The following AGBL4 variants were observed in gnomAD, a reference collection of about 807,000 sequenced individuals.
AGBL4 encodes the protein cytosolic carboxypeptidase 6.
A neutral mutation model predicts 66.4 loss-of-function variants in AGBL4; 58 were observed. The ratio of observed to expected loss-of-function variants is 0.87; its 90% CI spans 0.71 to 1.09. The LOEUF (loss-of-function observed/expected upper bound fraction) is 1.09. Among genes scored for constraint, AGBL4 ranks in the 50% least tolerant of loss-of-function variants. The probability of loss-of-function intolerance (pLI) is 0.00; values close to 1 mark genes in which losing one functional copy is unlikely to be tolerated. For missense variants in AGBL4, 579 were observed against 631.0 expected (o/e 0.92, Z 0.88); for synonymous variants, 234 against 222.9 (o/e 1.05, Z -0.44).
intron 3 of AGBL4, among the ~76,000 whole-genome samples, chr1:49,350,003 T>C (rs1397918943): frequency 6.6e-6 from 1 of 152,130 alleles, no homozygotes; most frequent in Non-Finnish European, 1.5e-5. Context: ...TCCAGAATGG[T>C]GAGAAAATAA....
At chr1:48,657,418 G>C (rs1361009180) in intron 7 of AGBL4, among the ~76,000 whole-genome samples, 3 of 152,236 alleles carry the variant, frequency 2.0e-5, no homozygotes, top group African/African-American at 7.2e-5. Context: ...GCCTGGGTCA[G>C]ATATGGGCTT....
At chr1:49,195,120 G>C (rs1647203202) in intron 4 of AGBL4, among the ~76,000 whole-genome samples, 1 of 152,086 alleles carries the variant, frequency 6.6e-6, no homozygotes, top group Admixed American at 6.6e-5. Context: ...GAGATTGAAG[G>C]TGTGAACCAC....
chr1:48,903,115 T>C (rs1652246426), intron 5 of AGBL4, among the ~76,000 whole-genome samples: 1 of 152,220 alleles, frequency 6.6e-6, no homozygotes, highest in South Asian at 2.1e-4. Context: ...CTTTCAGCAT[T>C]TTGTGGATCC....
At chr1:48,745,245 G>C (rs1354310706) in intron 6 of AGBL4, among the ~76,000 whole-genome samples, 2 of 152,162 alleles carry the variant, frequency 1.3e-5, no homozygotes, top group African/African-American at 4.8e-5. Flanking sequence ...CTGCTGAGTA[G>C]AGGTGCTTGA....
Position 49,045,770 on chromosome 1 carries a change from G to A in AGBL4, c.408C>T (p.Tyr136=). ...TCTTCCTATGGTCCGGGCAGCGGTA[G>A]TAGTAAACATTTTTGGGTGGCAGCC... The part of the protein sequence containing the change: ...WQRLPPKNVY[Y]YRCPDHRKNY... The change falls in exon 5 of 14, where the codon TAC becomes TAT. Residue 136 remains tyrosine (Y), a synonymous_variant. Transcript: ENST00000371839. 1 of 1,551,504 alleles carries A rather than the reference G, an allele frequency of 6.4e-7. No individual in the cohort carries two copies.
At chr1:49,013,380 G>A (rs922182517) in intron 5 of AGBL4, among the ~76,000 whole-genome samples, 4 of 152,122 alleles carry the variant, frequency 2.6e-5, no homozygotes, top group Admixed American at 6.5e-5. Context: ...ATTCTAATGG[G>A]AAGCTGGTTG....
intron 6 of AGBL4, chr1:48,727,806 G>C: frequency 7.3e-7 from 1 of 1,377,106 alleles, no homozygotes; most frequent in Non-Finnish European, 1.0e-6. Flanking sequence ...GCACGGTGGG[G>C]TCTGATTTGG....
chr1:49,388,606 T>G (rs1420649555), intron 3 of AGBL4, among the ~76,000 whole-genome samples: 1 of 152,158 alleles, frequency 6.6e-6, no homozygotes, highest in Non-Finnish European at 1.5e-5. Flanking sequence ...GATTCTTGAT[T>G]AAATATGCTA....
chr1:49,322,307 T>C (rs1055495221), intron 3 of AGBL4, among the ~76,000 whole-genome samples: 1 of 152,176 alleles, frequency 6.6e-6, no homozygotes, highest in Admixed American at 6.5e-5. Flanking sequence ...GGTGATTGTA[T>C]GTGGATGAAA....
chr1:49,129,376 A>G (rs1272769667), intron 4 of AGBL4, among the ~76,000 whole-genome samples: 1 of 151,776 alleles, frequency 6.6e-6, no homozygotes, highest in Middle Eastern at 3.2e-3. Context: ...GGTTAGTTAC[A>G]TATGTATACA....
chr1:49,009,923 T>C (rs1308080244), intron 5 of AGBL4, among the ~76,000 whole-genome samples: 4 of 151,622 alleles, frequency 2.6e-5, no homozygotes, highest in African/African-American at 4.8e-5. Context: ...GCCAATATCA[T>C]ACTGAATGGG....
intron 3 of AGBL4, among the ~76,000 whole-genome samples, chr1:49,620,675 A>G (rs1198000408): frequency 6.6e-6 from 1 of 152,194 alleles, no homozygotes; most frequent in Non-Finnish European, 1.5e-5. Context: ...ACACCTATAT[A>G]TGAGGAAAAT....
intron 4 of AGBL4, among the ~76,000 whole-genome samples, chr1:49,145,443 T>C (rs1431519277): frequency 2.6e-5 from 4 of 152,220 alleles, no homozygotes; most frequent in Non-Finnish European, 5.9e-5. Context: ...ATAATTTCTA[T>C]TGATCATTTT....
intron 8 of AGBL4, among the ~76,000 whole-genome samples, chr1:48,651,222 G>C (rs319991): frequency 0.63 from 95,670 of 151,950 alleles, 30,361 homozygotes; most frequent in Middle Eastern, 0.72. Flanking sequence ...GAAGCTTCAG[G>C]GTGAAACCAC....
chr1:49,204,877 A>G (rs1648006624), intron 4 of AGBL4, among the ~76,000 whole-genome samples: 1 of 152,100 alleles, frequency 6.6e-6, no homozygotes. Flanking sequence ...AATGGGACTT[A>G]TATCTGTACA....
intron 11 of AGBL4, among the ~76,000 whole-genome samples, chr1:48,550,174 T>G (rs1362985856): frequency 6.6e-6 from 1 of 152,102 alleles, no homozygotes; most frequent in African/African-American, 2.4e-5. Flanking sequence ...CGAAATTAGT[T>G]TTCCATTGCC....
Position 48,547,134 on chromosome 1 carries a change from C to T in AGBL4, c.1268-7396G>A, listed in dbSNP as rs567053078. Among the ~76,000 whole-genome samples the T allele has an allele frequency of 6.6e-5, 10 of 152,128 alleles. No homozygotes were observed. In the South Asian group the frequency reaches 1.2e-3, roughly 19 times the overall value. On this transcript the variant is annotated intron_variant, in intron 11 of 13. Transcript: ENST00000371839. ...CAAGGGCTAGATCACCAAGAACTCT[C>T]GGCCACCTTAAGGAGTCTGGACTTT...
chr1:49,163,821 C>T (rs1646583693), intron 4 of AGBL4, among the ~76,000 whole-genome samples: 1 of 151,982 alleles, frequency 6.6e-6, no homozygotes, highest in South Asian at 2.1e-4. Context: ...TTCATAAGAG[C>T]CTCAAAAGAT....
chr1:48,598,144 G>A lies in AGBL4; in HGVS notation c.952-7159C>T, dbSNP rs529374795. Among the ~76,000 whole-genome samples the A allele has an allele frequency of 5.0e-4, 76 of 152,290 alleles. No individual in the cohort carries two copies. The South Asian group carries it at 0.014, about 29-fold the overall frequency. On this transcript the variant is annotated intron_variant, in intron 9 of 13. Transcript: ENST00000371839. ...ATCACACAGGGCCTTGAAGGCCAGGGTTAGAATTTGGAGTTTATCCTATGT... is the reference window on the plus strand; with the variant it reads ...ATCACACAGGGCCTTGAAGGCCAGGATTAGAATTTGGAGTTTATCCTATGT...
Sources: gnomAD v4.1 joint callset for allele counts (sites outside exome capture counted in the v4.1 genomes callset) on GRCh38, gnomAD v4.1.1 for gene constraint, MANE v1.5 for transcripts, NCBI Gene and HGNC (gene_info 2026-07-23, HGNC 2026-07-21) for gene names.